Variants in IFT52 observed in about 807,000 individuals in gnomAD.
IFT52 encodes intraflagellar transport 52, also known as intraflagellar transport protein 52 homolog.
IFT52 carries 44 observed loss-of-function variants against 54.4 expected under a neutral mutation model. That is an observed-to-expected ratio of 0.81 (90% confidence interval 0.63 to 1.04). IFT52 has a LOEUF of 1.04. Ranked by LOEUF, IFT52 falls within the 50% of genes least tolerant of loss-of-function variation. The probability of loss-of-function intolerance (pLI) is 0.00; values close to 1 mark genes in which losing one functional copy is unlikely to be tolerated. For missense variants in IFT52, 452 were observed against 523.6 expected, an observed-to-expected ratio of 0.86 and a Z score of 1.33; for synonymous variants, 181 against 185.3, an observed-to-expected ratio of 0.98 and a Z score of 0.19.
At chr20:43,631,801 G>C (rs72626519) in intron 10 of IFT52, among the ~76,000 whole-genome samples, 4,596 of 152,164 alleles carry the variant, frequency 0.03, 95 homozygotes, top group Middle Eastern at 0.099. Context: ...TCTTGCTCTT[G>C]CCTCTGCCAG....
Position 43,644,950 on chromosome 20 carries a change from T to TA in IFT52, c.1267-1979dup, listed in dbSNP as rs1311273766. Among the ~76,000 whole-genome samples, 4 of 54,746 alleles carry TA rather than the reference T, an allele frequency of 7.3e-5. 2 individuals carry two copies. In the East Asian group the frequency reaches 2.5e-3, roughly 34 times the overall value. The allele number at this position is 54,746 out of a possible 152,430, so 35.9% of individuals were successfully genotyped here. On this transcript the variant is annotated intron_variant, in intron 13 of 13. Coordinates refer to ENST00000373030, the MANE Select transcript of IFT52 (RefSeq NM_016004.5). ...GGTGAAACCCCATCTCTACTAAAAA[T>TA]AAAAAAATCAGCTGGGTGTGGTGGC...
At position 43,647,120 on chromosome 20, in the gene IFT52, G is replaced by T. The variant is rs1986262451; in HGVS notation, c.*137G>T. ...GCTCTGGAAGGTATATGCATCTTCT[G>T]TAATACTCAGATAGGTATAAGATTT... On this transcript the variant is annotated 3_prime_UTR_variant, in exon 14 of 14. Coordinates refer to ENST00000373030, the MANE Select transcript of IFT52 (RefSeq NM_016004.5). 1.2e-5 allele frequency: 9 copies of T among 727,112 alleles called. No homozygotes were observed. The highest frequency in any genetic ancestry group is 1.1e-4 in the African/African-American group (6 of 56,904). 45.0% of individuals were successfully genotyped at this position (727,112 alleles called of 1,614,324 possible). A position where few individuals can be genotyped will look rare whatever the true frequency, so the allele number is the denominator to read the frequency against.
chr20:43,622,645 A>G (rs540981353), intron 9 of IFT52, among the ~76,000 whole-genome samples: 117 of 147,628 alleles, frequency 7.9e-4, no homozygotes, highest in African/African-American at 2.6e-3. Context: ...CTATATTTAT[A>G]TTTATATATA....
chr20:43,614,247 T>C (rs1983683276), intron 7 of IFT52, among the ~76,000 whole-genome samples: 2 of 151,924 alleles, frequency 1.3e-5, no homozygotes, highest in Admixed American at 1.3e-4. Context: ...ATAACTTTTT[T>C]TTTTTTTTTG....
At chr20:43,620,827 C>T (rs761337893) in intron 8 of IFT52, 30 bp from the exon 9 acceptor site, 1 of 1,505,564 alleles carries the variant, frequency 6.6e-7, no homozygotes, top group Non-Finnish European at 9.1e-7. Context: ...AACCAACTGT[C>T]CTAATTATAT....
At chr20:43,635,859 G>A (rs1985492920) in intron 10 of IFT52, 67 bp from the exon 11 acceptor site, 10 of 1,375,008 alleles carry the variant, frequency 7.3e-6, no homozygotes, top group Non-Finnish European at 9.3e-6. Flanking sequence ...ACAACACAGT[G>A]TGGTCAGTTA....
intron 6 of IFT52, among the ~76,000 whole-genome samples, chr20:43,611,729 G>A (rs191291467): frequency 1.3e-3 from 194 of 152,044 alleles, no homozygotes; most frequent in African/African-American, 4.4e-3. Context: ...AAATACAGGA[G>A]TGTAAATAAT....
chr20:43,628,721 C>T (rs1453061138), intron 10 of IFT52, among the ~76,000 whole-genome samples: 3 of 152,014 alleles, frequency 2.0e-5, no homozygotes, highest in Non-Finnish European at 2.9e-5. Flanking sequence ...CTTGGTGGTG[C>T]GCGCCTGTAG....
intron 7 of IFT52, among the ~76,000 whole-genome samples, chr20:43,617,436 C>T (rs1983941229): frequency 8.0e-6 from 1 of 124,508 alleles, no homozygotes; most frequent in Admixed American, 9.6e-5. Context: ...CATGCTTGTG[C>T]CTTAGTTTTC....
chr20:43,614,705 T>C (rs1401847970), intron 7 of IFT52, among the ~76,000 whole-genome samples: 1 of 151,920 alleles, frequency 6.6e-6, no homozygotes. Context: ...ACTAGGAAAA[T>C]ATATCAGAAA....
At chr20:43,634,524 C>T (rs1014580676) in intron 10 of IFT52, among the ~76,000 whole-genome samples, 17 of 151,972 alleles carry the variant, frequency 1.1e-4, no homozygotes, top group African/African-American at 3.6e-4. Flanking sequence ...CCTTGAAATA[C>T]GTTAACATAT....
At chr20:43,594,585 T>C in intron 1 of IFT52, 108 bp from the exon 2 acceptor site, 2 of 664,420 alleles carry the variant, frequency 3.0e-6, no homozygotes, top group South Asian at 3.7e-5. Flanking sequence ...TAGGTTTCAG[T>C]TGTATACCCT....
intron 6 of IFT52, among the ~76,000 whole-genome samples, chr20:43,612,415 A>G (rs1983526961): frequency 6.6e-6 from 1 of 152,096 alleles, no homozygotes; most frequent in African/African-American, 2.4e-5. Context: ...GAGGGAGGCC[A>G]GGCCCGGTGG....
rs1985503615 is a variant in IFT52, at chr20:43,635,952, A to G, written c.950A>G (p.His317Arg). 7 of 1,614,214 alleles carry G rather than the reference A, an allele frequency of 4.3e-6. No individual in the cohort carries two copies. The East Asian group carries it at 1.6e-4, about 36-fold the overall frequency. Residue 317 changes from histidine (H) to arginine (R), a missense_variant, in exon 11 of 14, where the codon CAT (histidine) becomes CGT (arginine). Coordinates refer to ENST00000373030, the MANE Select transcript of IFT52 (RefSeq NM_016004.5). ...IEAHEQLNVKHEPLQLIQPQF... is the reference protein window; with the variant it reads ...IEAHEQLNVKREPLQLIQPQF... ...GCTCACGAGCAGCTAAATGTGAAAC[A>G]TGAACCACTCCAGCTCATCCAGCCT...
At chr20:43,612,795 A>G (rs968030709) in intron 6 of IFT52, among the ~76,000 whole-genome samples, 4 of 152,236 alleles carry the variant, frequency 2.6e-5, no homozygotes, top group Non-Finnish European at 5.9e-5. Flanking sequence ...TAAAATCTCT[A>G]TGAGGAACCC....
chr20:43,642,493 C>G lies in IFT52; in HGVS notation c.1135C>G (p.Leu379Val), dbSNP rs747495758. The change falls in exon 13 of 14, where the codon CTG becomes GTG. Residue 379 changes from leucine to valine, a missense_variant. Leu to Val is a conservative substitution (Grantham distance 32). Coordinates refer to ENST00000373030, the MANE Select transcript of IFT52 (RefSeq NM_016004.5). Reference protein sequence around the residue: ...QITNKCTEEDLEFYVRKCGDI... With the variant: ...QITNKCTEEDVEFYVRKCGDI... ...AACTGTCTTAGGTACTGAAGAAGAC[C>G]TGGAATTTTATGTCAGGAAGTGTGG... 3 of 1,613,852 alleles carry G rather than the reference C, an allele frequency of 1.9e-6. No homozygotes were observed. The South Asian group carries it at 3.3e-5, about 18-fold the overall frequency.
intron 1 of IFT52, among the ~76,000 whole-genome samples, chr20:43,591,271 T>C (rs887422473): frequency 6.6e-6 from 1 of 152,248 alleles, no homozygotes; most frequent in African/African-American, 2.4e-5. Flanking sequence ...TGTTTAGTCG[T>C]TCCGCTGACT....
intron 3 of IFT52, among the ~76,000 whole-genome samples, chr20:43,600,033 G>A (rs1982300618): frequency 1.3e-5 from 2 of 152,142 alleles, no homozygotes; most frequent in African/African-American, 2.4e-5. Flanking sequence ...AAAAGAATAT[G>A]TGTATTTCAA....
Position 43,637,125 on chromosome 20 carries a change from A to G in IFT52, c.1012-20A>G, listed in dbSNP as rs1288820351. ...CCTTATCCTCCCTCATTTCTAAATAATGACTTTATTTCCTTTTAGGTTTTT... is the reference window on the plus strand; with the variant it reads ...CCTTATCCTCCCTCATTTCTAAATAGTGACTTTATTTCCTTTTAGGTTTTT... On this transcript the variant is annotated intron_variant, in intron 11 of 13. Coordinates refer to ENST00000373030, the MANE Select transcript of IFT52 (RefSeq NM_016004.5). 3 of 1,510,272 alleles carry G rather than the reference A, an allele frequency of 2.0e-6. No individual in the cohort carries two copies. The Admixed American group carries it at 5.0e-5, about 25-fold the overall frequency. 93.6% of individuals were successfully genotyped at this position (1,510,272 alleles called of 1,614,324 possible).
Sources: gnomAD v4.1 joint callset for allele counts (sites outside exome capture counted in the v4.1 genomes callset) on GRCh38, gnomAD v4.1.1 for gene constraint, MANE v1.5 for transcripts, NCBI Gene and HGNC (gene_info 2026-07-23, HGNC 2026-07-21) for gene names.